The following LHFPL5 variants were observed in gnomAD, a reference collection of about 807,000 sequenced individuals.
The protein encoded by LHFPL5 is LHFPL tetraspan subfamily member 5.
LHFPL5 carries 12 observed loss-of-function variants against 18.7 expected under a neutral mutation model. The ratio of observed to expected loss-of-function variants is 0.64; its 90% CI spans 0.41 to 1.04. LHFPL5 has a LOEUF of 1.04. LHFPL5 is among the 50% of genes least tolerant of loss of function. The pLI is 0.00. For missense variants in LHFPL5, 259 were observed against 292.1 expected, an observed-to-expected ratio of 0.89 and a Z score of 0.83; for synonymous variants, 111 against 120.2, an observed-to-expected ratio of 0.92 and a Z score of 0.50.
intron 2 of LHFPL5, among the ~76,000 whole-genome samples, chr6:35,816,114 T>A (rs1167075757): frequency 6.9e-6 from 1 of 144,366 alleles, no homozygotes; most frequent in Non-Finnish European, 1.5e-5. Context: ...GAGCTTGCAG[T>A]GAGCCGAGAT....
rs1323728837 is a variant in LHFPL5, at chr6:35,823,760, A to C, written c.*795A>C. 6.6e-6 allele frequency: 1 copy of C among 152,004 alleles called. No individual in the cohort carries two copies. The highest frequency in any genetic ancestry group is 2.4e-5 in the African/African-American group (1 of 41,374). 9.4% of individuals were successfully genotyped at this position (152,004 alleles called of 1,614,324 possible). A position where few individuals can be genotyped will look rare whatever the true frequency, so the allele number is the denominator to read the frequency against. ...TTTCCTCCCGGGAGCCAAATATCACATTTCCTTATGGTGCCCACACTGACT... is the reference window on the plus strand; with the variant it reads ...TTTCCTCCCGGGAGCCAAATATCACCTTTCCTTATGGTGCCCACACTGACT... On this transcript the variant is annotated 3_prime_UTR_variant, in exon 4 of 4. Coordinates refer to ENST00000360215, the MANE Select transcript of LHFPL5 (RefSeq NM_182548.4).
chr6:35,805,421 G>T lies in LHFPL5; in HGVS notation c.-250G>T, dbSNP rs1768551952. 1 of 528,572 alleles carries T rather than the reference G, an allele frequency of 1.9e-6. No individual in the cohort carries two copies. Among genetic ancestry groups the T allele is most frequent in the Admixed American group, 3.2e-5 (1 of 31,484 alleles). 32.7% of individuals were successfully genotyped at this position (528,572 alleles called of 1,614,324 possible). On this transcript the variant is annotated 5_prime_UTR_variant, in exon 1 of 4. It adds an upstream start codon to the 5' untranslated region. Transcript: ENST00000360215. The surrounding 1 kb of genome is among the most constrained non-coding windows in gnomAD (Gnocchi z 4.3). ...CCAGCAGGCCCTGGTGGGCTTGGGA[G>T]GAGGCAGGAGACTGGAGACAGCCTC...
chr6:35,805,717 C>G lies in LHFPL5; in HGVS notation c.47C>G (p.Thr16Ser). ...PAQEAAKIYH[T>S]NYVRNSRAVG... ...CAGGAGGCAGCCAAGATCTACCATA[C>G]CAACTATGTGCGGAACTCGCGAGCC... The change falls in exon 1 of 4, where the codon ACC becomes AGC. Residue 16 changes from threonine (T) to serine (S), a missense_variant. Coordinates refer to ENST00000360215, the MANE Select transcript of LHFPL5 (RefSeq NM_182548.4). This position sits in a 1 kb window ranked among gnomAD's most constrained non-coding sequence, Gnocchi z 4.3. The G allele has an allele frequency of 3.1e-6, 5 of 1,614,228 alleles. No homozygotes were observed. Among genetic ancestry groups the G allele is most frequent in the Non-Finnish European group, 2.5e-6 (3 of 1,180,046 alleles).
intron 1 of LHFPL5, among the ~76,000 whole-genome samples, chr6:35,809,634 G>A (rs1768630649): frequency 6.6e-6 from 1 of 152,130 alleles, no homozygotes; most frequent in African/African-American, 2.4e-5. Context: ...CTCCCGAGTA[G>A]CTGGGACTAC....
chr6:35,813,239 ATTTTTTTTTTTTT>A (rs35884324), intron 1 of LHFPL5, among the ~76,000 whole-genome samples: 1 of 56,294 alleles, frequency 1.8e-5, no homozygotes, highest in East Asian at 7.7e-4. Flanking sequence ...AGGAACTAGC[ATTTTTTTTTTTTT>A]TTTTTTTTTT....
At chr6:35,819,293 C>T in intron 2 of LHFPL5, 144 bp from the exon 3 acceptor site, 1 of 766,090 alleles carries the variant, frequency 1.3e-6, no homozygotes, top group Non-Finnish European at 2.3e-6. Flanking sequence ...CAGTTACAAG[C>T]TGATAAATGA....
chr6:35,821,633 C>T (rs1256890536), intron 3 of LHFPL5, among the ~76,000 whole-genome samples: 3 of 151,748 alleles, frequency 2.0e-5, no homozygotes, highest in Non-Finnish European at 4.4e-5. Context: ...AGGCATGCGC[C>T]ACCACACCCG....
At chr6:35,812,380 T>C (rs879668) in intron 1 of LHFPL5, among the ~76,000 whole-genome samples, 65,301 of 151,932 alleles carry the variant, frequency 0.43, 16,165 homozygotes, top group African/African-American at 0.68. Flanking sequence ...TGTGGGAAAG[T>C]GGCACAGATA....
At chr6:35,820,874 G>C (rs1768851885) in intron 3 of LHFPL5, among the ~76,000 whole-genome samples, 1 of 152,056 alleles carries the variant, frequency 6.6e-6, no homozygotes, top group Non-Finnish European at 1.5e-5. Flanking sequence ...TTTTATTTTT[G>C]CAAAGTGCCT....
At chr6:35,820,756 G>A (rs1370966562) in intron 3 of LHFPL5, among the ~76,000 whole-genome samples, 1 of 151,580 alleles carries the variant, frequency 6.6e-6, no homozygotes. Context: ...AAATAAAAAA[G>A]AAAAAGAAAC....
intron 1 of LHFPL5, among the ~76,000 whole-genome samples, chr6:35,808,566 TATATA>T (rs1768611858): frequency 1.0e-4 from 1 of 9,860 alleles, no homozygotes; most frequent in African/African-American, 1.7e-3. Context: ...ATTTTATACA[TATATA>T]TATATATATA....
chr6:35,809,000 G>A (rs535981896), intron 1 of LHFPL5, among the ~76,000 whole-genome samples: 1 of 152,262 alleles, frequency 6.6e-6, no homozygotes, highest in Admixed American at 6.5e-5. Flanking sequence ...CAGAGTGGGC[G>A]GGTCCCATAT....
chr6:35,816,177 CAA>C (rs60374883), intron 2 of LHFPL5, among the ~76,000 whole-genome samples: 10 of 60,570 alleles, frequency 1.7e-4, no homozygotes, highest in African/African-American at 4.4e-4. Context: ...GACTCCGTCT[CAA>C]AAAAAAAAAA....
Position 35,820,204 on chromosome 6 carries a change from T to C in LHFPL5, c.*16+741T>C, listed in dbSNP as rs369252558. On this transcript the variant is annotated intron_variant, in intron 3 of 3. Coordinates refer to ENST00000360215, the MANE Select transcript of LHFPL5 (RefSeq NM_182548.4). Reference sequence around the variant, plus strand: ...AAGTCATAGACAGAAAAACAAATATTCAAAAAAGCTATACTAATAGTATTA... The same window carrying C: ...AAGTCATAGACAGAAAAACAAATATCCAAAAAAGCTATACTAATAGTATTA... 9.9e-5 allele frequency among the ~76,000 whole-genome samples: 15 copies of C among 152,158 alleles called. No homozygotes were observed. The East Asian group carries it at 1.4e-3, about 14-fold the overall frequency.
intron 1 of LHFPL5, among the ~76,000 whole-genome samples, chr6:35,810,389 C>T (rs1317382224): frequency 2.0e-5 from 3 of 152,118 alleles, no homozygotes; most frequent in Non-Finnish European, 4.4e-5. Context: ...TGTAAAACAC[C>T]TTGCACATGG....
chr6:35,813,581 G>T (rs1218475366), intron 1 of LHFPL5, among the ~76,000 whole-genome samples: 1 of 151,900 alleles, frequency 6.6e-6, no homozygotes, highest in Non-Finnish European at 1.5e-5. Flanking sequence ...GTAGCAACTG[G>T]ACTATGCTGT....
chr6:35,820,647 C>T (rs1049283507), intron 3 of LHFPL5, among the ~76,000 whole-genome samples: 5 of 151,898 alleles, frequency 3.3e-5, no homozygotes, highest in African/African-American at 1.2e-4. Context: ...TTGCAGTGAG[C>T]TGAGATCGTG....
intron 1 of LHFPL5, among the ~76,000 whole-genome samples, chr6:35,810,699 C>A (rs1319177633): frequency 6.6e-6 from 1 of 151,642 alleles, no homozygotes; most frequent in Non-Finnish European, 1.5e-5. Context: ...TGGTGGCGGG[C>A]GCCTGTAGTC....
chr6:35,819,425 C>A lies in LHFPL5; in HGVS notation c.650-12C>A, dbSNP rs751062473. On this transcript the variant is annotated splice_polypyrimidine_tract_variant and intron_variant, in intron 2 of 3. Transcript: ENST00000360215. ...TTGGTAGTAACGTATACTGTTCTCT[C>A]CTTCATTACAGAGGAGGTGTGAAGC... 1 of 1,613,918 alleles carries A rather than the reference C, an allele frequency of 6.2e-7. No individual in the cohort carries two copies. Among genetic ancestry groups the A allele is most frequent in the Non-Finnish European group, 8.5e-7 (1 of 1,179,878 alleles).
Sources: gnomAD v4.1 joint callset for allele counts (sites outside exome capture counted in the v4.1 genomes callset) on GRCh38, gnomAD v4.1.1 for gene constraint, Gnocchi (gnomAD v3.1) non-coding constraint, MANE v1.5 for transcripts, NCBI Gene and HGNC (gene_info 2026-07-23, HGNC 2026-07-21) for gene names.